ARHGAP6: variants seen among roughly 807,000 people sequenced by gnomAD.
The protein encoded by ARHGAP6 is rho GTPase-activating protein 6.
In ARHGAP6, 16 loss-of-function variants were observed where a neutral mutation model predicts 55.7. The observed-to-expected ratio is 0.29, with a 90% CI of 0.19 to 0.44. ARHGAP6 has a LOEUF of 0.44. Ranked by LOEUF, ARHGAP6 falls within the 20% of genes least tolerant of loss-of-function variation. The probability of loss-of-function intolerance (pLI) is 1.00; values close to 1 mark genes in which losing one functional copy is unlikely to be tolerated. For missense variants in ARHGAP6, 698 were observed against 808.9 expected, an observed-to-expected ratio of 0.86 and a Z score of 1.66; for synonymous variants, 382 against 360.9, an observed-to-expected ratio of 1.06 and a Z score of -0.66.
intron 1 of ARHGAP6, among the ~76,000 whole-genome samples, chrX:11,462,116 A>AG (rs1286156169): frequency 8.9e-6 from 1 of 112,489 alleles, no homozygotes; most frequent in Non-Finnish European, 1.9e-5. Flanking sequence ...AAAAGGAACC[A>AG]GGGGATACAG....
chrX:11,372,913 T>C (rs1341907430), intron 1 of ARHGAP6, among the ~76,000 whole-genome samples: 7 of 109,899 alleles, frequency 6.4e-5, no homozygotes, highest in South Asian at 3.8e-4. Flanking sequence ...ACAATTAATA[T>C]TGCTTTATTC....
intron 1 of ARHGAP6, among the ~76,000 whole-genome samples, chrX:11,609,969 A>C (rs924601203): frequency 1.8e-5 from 2 of 111,127 alleles, no homozygotes; most frequent in Non-Finnish European, 3.8e-5. Flanking sequence ...GACTGCTTAC[A>C]CTGTTGCTAA....
chrX:11,392,917 C>T (rs1268079259), intron 1 of ARHGAP6, among the ~76,000 whole-genome samples: 1 of 111,813 alleles, frequency 8.9e-6, no homozygotes, highest in African/African-American at 3.2e-5. Flanking sequence ...AGGCAAGTCA[C>T]GTTGGTGTGT....
At chrX:11,277,146 G>C (rs1048543288) in intron 1 of ARHGAP6, among the ~76,000 whole-genome samples, 14 of 111,266 alleles carry the variant, frequency 1.3e-4, no homozygotes, top group African/African-American at 4.2e-4. Context: ...TGGGCTTTTT[G>C]TGTCTGGTTT....
intron 1 of ARHGAP6, among the ~76,000 whole-genome samples, chrX:11,475,560 T>TAC (rs199969639): frequency 0.017 from 1,595 of 95,879 alleles, 12 homozygotes; most frequent in Middle Eastern, 0.041. Context: ...TTAAAGAAAC[T>TAC]ACACACACAC....
At chrX:11,627,513 A>G (rs998082692) in intron 1 of ARHGAP6, among the ~76,000 whole-genome samples, 1 of 112,047 alleles carries the variant, frequency 8.9e-6, no homozygotes, top group Admixed American at 9.4e-5. Flanking sequence ...AATACCACTT[A>G]CAGAGATTTT....
At chrX:11,305,323 C>T (rs1419786858) in intron 1 of ARHGAP6, among the ~76,000 whole-genome samples, 1 of 112,158 alleles carries the variant, frequency 8.9e-6, no homozygotes, top group African/African-American at 3.2e-5. Context: ...TTCACCACTA[C>T]ACAATATATC....
chrX:11,218,551 T>C (rs2046913952), intron 2 of ARHGAP6, among the ~76,000 whole-genome samples: 1 of 111,500 alleles, frequency 9.0e-6, no homozygotes, highest in Non-Finnish European at 1.9e-5. Flanking sequence ...CAGCTCCTCT[T>C]TGTACCTCTG....
intron 2 of ARHGAP6, among the ~76,000 whole-genome samples, chrX:11,206,224 G>T (rs1168534594): frequency 8.9e-6 from 1 of 111,738 alleles, no homozygotes; most frequent in Admixed American, 9.6e-5. Flanking sequence ...ATTCATTGAT[G>T]ATTGCAACTG....
rs780769865 is a variant in ARHGAP6 at position 11,509,934 on chromosome X, T to A, written c.588+154307A>T. ...CCAGGAATAACTCCTCTCACCTCCC[T>A]GTGTTCAGAATGAGAGGACCTCTAG... is the stretch of plus-strand genomic sequence containing the variant. On this transcript the variant is annotated intron_variant, in intron 1 of 12. Coordinates refer to ENST00000337414, the MANE Select transcript of ARHGAP6 (RefSeq NM_013427.3). Among the ~76,000 whole-genome samples, 8 of 112,033 alleles carry A rather than the reference T, an allele frequency of 7.1e-5. No homozygotes were observed. The East Asian group carries it at 2.2e-3, about 31-fold the overall frequency.
chrX:11,314,717 T>C (rs772104551), intron 1 of ARHGAP6, among the ~76,000 whole-genome samples: 2 of 111,730 alleles, frequency 1.8e-5, no homozygotes, highest in East Asian at 5.6e-4. Context: ...TTCTCACTTA[T>C]AAGTGGGAGC....
chrX:11,575,582 C>G (rs2051586603), intron 1 of ARHGAP6, among the ~76,000 whole-genome samples: 1 of 111,526 alleles, frequency 9.0e-6, no homozygotes, highest in South Asian at 3.8e-4. Context: ...CCTGTGATAA[C>G]CTGGAAGGGC....
chrX:11,408,524 G>A (rs1007431774), intron 1 of ARHGAP6, among the ~76,000 whole-genome samples: 3 of 111,074 alleles, frequency 2.7e-5, no homozygotes, highest in East Asian at 2.8e-4. Context: ...CAGGTACAAC[G>A]GAAGCACCCT....
At chrX:11,146,243 C>T (rs1370795459) in intron 10 of ARHGAP6, among the ~76,000 whole-genome samples, 4 of 112,385 alleles carry the variant, frequency 3.6e-5, no homozygotes, top group Admixed American at 1.9e-4. Context: ...GTAGGAAGTA[C>T]CAGTGTAGTG....
intron 1 of ARHGAP6, among the ~76,000 whole-genome samples, chrX:11,306,350 T>G: frequency 8.9e-6 from 1 of 112,900 alleles, no homozygotes; most frequent in South Asian, 3.6e-4. Flanking sequence ...TCAAGCTCCT[T>G]GAGGCAGATT....
At chrX:11,443,640 C>G (rs765414538) in intron 1 of ARHGAP6, among the ~76,000 whole-genome samples, 1 of 112,506 alleles carries the variant, frequency 8.9e-6, no homozygotes, top group Non-Finnish European at 1.9e-5. Context: ...TTTAAATTAA[C>G]ATTTCCTACC....
intron 1 of ARHGAP6, among the ~76,000 whole-genome samples, chrX:11,494,384 T>C (rs1339112422): frequency 8.9e-6 from 1 of 112,529 alleles, no homozygotes; most frequent in Non-Finnish European, 1.9e-5. Context: ...AAACTTGTGG[T>C]CAACACAACA....
At chrX:11,653,733 A>G (rs2052610588) in intron 1 of ARHGAP6, among the ~76,000 whole-genome samples, 1 of 111,948 alleles carries the variant, frequency 8.9e-6, no homozygotes, top group Admixed American at 9.5e-5. Context: ...GGGGCTTAAT[A>G]ATTTGTTTAA....
At chrX:11,417,980 A>G (rs2049775973) in intron 1 of ARHGAP6, among the ~76,000 whole-genome samples, 1 of 112,298 alleles carries the variant, frequency 8.9e-6, no homozygotes, top group African/African-American at 3.2e-5. Flanking sequence ...AATATTGGCT[A>G]TTATTATTAC....
Sources: allele counts gnomAD v4.1 joint callset (sites outside exome capture counted in the v4.1 genomes callset), GRCh38; gene constraint gnomAD v4.1.1; transcripts MANE v1.5; gene names NCBI Gene and HGNC (gene_info 2026-07-23, HGNC 2026-07-21).